OSBPL10: variants seen among roughly 807,000 people sequenced by gnomAD.
The protein encoded by OSBPL10 is oxysterol binding protein like 10.
In OSBPL10, 49 loss-of-function variants were observed where a neutral mutation model predicts 81.7. The observed-to-expected ratio is 0.60, with a 90% CI of 0.48 to 0.76. The LOEUF is 0.76. OSBPL10 is among the 30% of genes least tolerant of loss of function. The pLI is 0.00. For missense variants in OSBPL10, 923 were observed against 987.8 expected (o/e 0.93, Z 0.88); for synonymous variants, 419 against 383.6 (o/e 1.09, Z -1.08).
chr3:31,797,976 C>T (rs2125443136), intron 4 of OSBPL10: 6 of 307,440 alleles, frequency 2.0e-5, no homozygotes, highest in South Asian at 8.2e-5. Context: ...TTATATATAT[C>T]GTTCCAAACT....
chr3:31,807,398 T>TAA (rs1699547521), intron 4 of OSBPL10, among the ~76,000 whole-genome samples: 1 of 150,608 alleles, frequency 6.6e-6, no homozygotes. Flanking sequence ...AATAAATAAA[T>TAA]AAATAAGATT....
chr3:31,872,584 C>T (rs1701358015), intron 3 of OSBPL10, among the ~76,000 whole-genome samples: 1 of 149,890 alleles, frequency 6.7e-6, no homozygotes, highest in South Asian at 2.1e-4. Flanking sequence ...ACAGAATCAA[C>T]TACTGATACA....
chr3:31,678,107 A>C (rs1207379384), intron 8 of OSBPL10, among the ~76,000 whole-genome samples: 4 of 150,828 alleles, frequency 2.7e-5, no homozygotes, highest in Admixed American at 1.3e-4. Context: ...AAAAAAAAAA[A>C]AGACAGAGCA....
intron 1 of OSBPL10, among the ~76,000 whole-genome samples, chr3:31,945,455 C>G (rs931713460): frequency 6.6e-6 from 1 of 152,172 alleles, no homozygotes; most frequent in Non-Finnish European, 1.5e-5. Context: ...CAGAATCAGG[C>G]TTTGGTTTGT....
At chr3:31,826,164 C>T (rs1045303638) in intron 4 of OSBPL10, among the ~76,000 whole-genome samples, 7 of 152,126 alleles carry the variant, frequency 4.6e-5, no homozygotes, top group Non-Finnish European at 1.0e-4. Flanking sequence ...GGGTCACTGG[C>T]AATGCAGTTT....
intron 7 of OSBPL10, among the ~76,000 whole-genome samples, chr3:31,689,542 CTG>C: frequency 6.6e-6 from 1 of 152,266 alleles, no homozygotes; most frequent in South Asian, 2.1e-4. Context: ...TATGGTTTGG[CTG>C]TGTCCCCACC....
intron 1 of OSBPL10, among the ~76,000 whole-genome samples, chr3:31,883,723 G>C (rs1014048259): frequency 6.6e-6 from 1 of 151,798 alleles, no homozygotes. Context: ...GTAGAGACAG[G>C]GTTTCGCCAT....
At chr3:32,045,212 C>T (rs1333180731) in intron 2 of OSBPL10, among the ~76,000 whole-genome samples, 4 of 152,104 alleles carry the variant, frequency 2.6e-5, no homozygotes, top group Admixed American at 1.3e-4. Flanking sequence ...GGTATGGCTC[C>T]CATCTGGTGC....
intron 4 of OSBPL10, among the ~76,000 whole-genome samples, chr3:31,756,711 G>A (rs1388079775): frequency 6.6e-6 from 1 of 152,202 alleles, no homozygotes; most frequent in Admixed American, 6.5e-5. Context: ...GGCTTTGGGG[G>A]TAGCTAAAGC....
At chr3:31,965,784 A>T (rs1361053597) in intron 1 of OSBPL10, among the ~76,000 whole-genome samples, 1 of 76,548 alleles carries the variant, frequency 1.3e-5, no homozygotes. Context: ...TATTATATAA[A>T]TAGATAAGAT....
At chr3:31,762,732 G>A (rs1698087774) in intron 4 of OSBPL10, among the ~76,000 whole-genome samples, 1 of 145,452 alleles carries the variant, frequency 6.9e-6, no homozygotes, top group African/African-American at 2.6e-5. Flanking sequence ...GCCTCCCAAA[G>A]TACTGGTATT....
intron 4 of OSBPL10, among the ~76,000 whole-genome samples, chr3:31,756,044 A>C (rs1697877599): frequency 1.3e-5 from 2 of 152,220 alleles, no homozygotes; most frequent in South Asian, 4.1e-4. Context: ...TGAGATCCTC[A>C]AGAAATGTGA....
At chr3:31,918,845 T>G (rs1575615337) in intron 1 of OSBPL10, among the ~76,000 whole-genome samples, 1 of 152,202 alleles carries the variant, frequency 6.6e-6, no homozygotes, top group East Asian at 1.9e-4. Context: ...GATTTTTAAA[T>G]CATGGCAACT....
At chr3:31,710,374 A>T (rs1696212347) in intron 6 of OSBPL10, among the ~76,000 whole-genome samples, 1 of 152,076 alleles carries the variant, frequency 6.6e-6, no homozygotes, top group Non-Finnish European at 1.5e-5. Context: ...GGTTGCTGCT[A>T]ACACTCCTGC....
At position 31,664,105 on chromosome 3, in the gene OSBPL10, A is replaced by G; in HGVS notation, c.2224T>C (p.Trp742Arg). Reference sequence around the variant, plus strand: ...TCCTGGATAAAATATTTGGGCTTCCATGGTGTGCGGAGGTTCTCGCGCTTC... The same window carrying G: ...TCCTGGATAAAATATTTGGGCTTCCGTGGTGTGCGGAGGTTCTCGCGCTTC... ...ERKRENLRTP[W>R]KPKYFIQEGD... Residue 742 changes from tryptophan to arginine, a missense_variant, in exon 11 of 12, where the codon TGG becomes CGG. Around this residue, in one of 3 missense-constraint regions of OSBPL10, gnomAD observed 387 missense variants for 436.3 expected, o/e 0.89. Coordinates refer to ENST00000396556, the MANE Select transcript of OSBPL10 (RefSeq NM_017784.5). 2 of 1,614,058 alleles carry G rather than the reference A, an allele frequency of 1.2e-6. No individual in the cohort carries two copies. Among genetic ancestry groups the G allele is most frequent in the East Asian group, 4.5e-5 (2 of 44,854 alleles).
chr3:31,664,214 C>G lies in OSBPL10; in HGVS notation c.2115G>C (p.Val705=). 6.2e-7 allele frequency: 1 copy of G among 1,612,532 alleles called. No homozygotes were observed. Among genetic ancestry groups the G allele is most frequent in the Non-Finnish European group, 8.5e-7 (1 of 1,180,018 alleles). The change falls in exon 11 of 12, where the codon GTG becomes GTC. Residue 705 remains valine, a synonymous_variant. Transcript: ENST00000396556. ...PMESRNLWRE[V]TRYLRLGDID... ...TGTCCCCCAGCCGCAGGTATCGGGT[C>G]ACCTCCCGCCAGAGGTTCCTGGGGA...
chr3:31,952,484 T>C (rs1237844449), intron 1 of OSBPL10, among the ~76,000 whole-genome samples: 1 of 152,214 alleles, frequency 6.6e-6, no homozygotes, highest in Non-Finnish European at 1.5e-5. Flanking sequence ...CTGCTGTGCA[T>C]CTTCTTCCTA....
At chr3:31,764,338 T>C (rs1334927385) in intron 4 of OSBPL10, among the ~76,000 whole-genome samples, 1 of 152,226 alleles carries the variant, frequency 6.6e-6, no homozygotes, top group Non-Finnish European at 1.5e-5. Context: ...CCAAACTCTT[T>C]CTGGGCAGGG....
rs149076309 is a variant in OSBPL10, at chr3:31,936,159, T to G, written c.281+44740A>C. Among the ~76,000 whole-genome samples, 22 of 152,334 alleles carry G rather than the reference T, an allele frequency of 1.4e-4. No homozygotes were observed. In the East Asian group the frequency reaches 4.2e-3, roughly 29 times the overall value. The stretch of plus-strand genomic sequence containing the variant: ...CTCTAAGGTTTCACTCATTCTTTGC[T>G]TCAGCCTCTCATGCTTTAATAATTT... On this transcript the variant is annotated intron_variant, in intron 1 of 11. Coordinates refer to ENST00000396556, the MANE Select transcript of OSBPL10 (RefSeq NM_017784.5).
Sources: allele counts gnomAD v4.1 joint callset (sites outside exome capture counted in the v4.1 genomes callset), GRCh38; gene constraint gnomAD v4.1.1; regional missense constraint gnomAD v4.1.1; transcripts MANE v1.5; gene names NCBI Gene and HGNC (gene_info 2026-07-23, HGNC 2026-07-21).